The following SNED1 variants were observed in gnomAD, a reference collection of about 807,000 sequenced individuals.
SNED1 encodes sushi, nidogen and EGF like domains 1.
In SNED1, 81 loss-of-function variants were observed where a neutral mutation model predicts 166.7. The observed-to-expected ratio is 0.49, with a 90% confidence interval of 0.41 to 0.58. The LOEUF (loss-of-function observed/expected upper bound fraction) is 0.58. Ranked by LOEUF, SNED1 falls within the 20% of genes least tolerant of loss-of-function variation. The pLI is 0.00. For missense variants in SNED1, 1,604 were observed against 2,000.2 expected (o/e 0.80, Z 3.78); for synonymous variants, 762 against 822.0 (o/e 0.93, Z 1.25).
chr2:241,023,887 C>CTTTTTTTTTTTTTTTTTTTTTT (rs2060846825), intron 1 of SNED1, among the ~76,000 whole-genome samples: 1 of 71,658 alleles, frequency 1.4e-5, no homozygotes, highest in African/African-American at 7.7e-5. Context: ...CTTTTTTTTT[C>CTTTTTTTTTTTTTTTTTTTTTT]CTTTTTTTTT....
rs139194766 is a variant in SNED1 at position 240,999,527 on chromosome 2, G to A, written c.213+477G>A. Among the ~76,000 whole-genome samples, 715 of 152,330 alleles carry A rather than the reference G, an allele frequency of 4.7e-3. 5 individuals are homozygous for A. Among genetic ancestry groups the A allele is most frequent in the Non-Finnish European group, 6.2e-3 (424 of 68,012 alleles). ...CGCCAGTGCGGCCCAGAGCCAGGAGGCTGGACCCCTTGCCCAGGCGCTCAG... is the reference window on the plus strand; with the variant it reads ...CGCCAGTGCGGCCCAGAGCCAGGAGACTGGACCCCTTGCCCAGGCGCTCAG... On this transcript the variant is annotated intron_variant, in intron 1 of 31. Transcript: ENST00000310397. The surrounding 1 kb of genome is among the most constrained non-coding windows in gnomAD (Gnocchi z 5.8).
chr2:241,087,398 AAG>A lies in SNED1; in HGVS notation c.4131_4132del (p.Arg1377SerfsTer15). ...EGGVCHHVYKRVYRVHQDICF... is the reference protein window; with the variant it reads ...EGGVCHHVYKXVYRVHQDICF... ...AGCTTTCTTGTGACAACAGGTATAA[AAG>A]AGTCTACCGAGTTCACCAAGACATC... On this transcript the variant is annotated frameshift_variant, in exon 30 of 32. Transcript: ENST00000310397. LOFTEE classifies it high-confidence loss of function. 1 of 1,598,174 alleles carries A rather than the reference AAG, an allele frequency of 6.3e-7. No homozygotes were observed. The highest frequency in any genetic ancestry group is 8.5e-7 in the Non-Finnish European group (1 of 1,172,368).
In SNED1 at chr2:241,033,845, C is replaced by T. The variant is rs376722470; in HGVS notation, c.612C>T (p.Asn204=). Residue 204 remains asparagine (N), a synonymous_variant, in exon 3 of 32, where the codon AAC becomes AAT. Transcript: ENST00000310397. ...TTGTHASSGG[N]ATGLGGIAAQ... ...GCACACACGCCAGCAGCGGGGGCAA[C>T]GCCACTGGCCTCGGGGGCATCGCAG... 1.9e-5 allele frequency: 31 copies of T among 1,607,616 alleles called. No homozygotes were observed. Among genetic ancestry groups the T allele is most frequent in the East Asian group, 4.5e-5 (2 of 44,700 alleles).
chr2:241,083,220 C>A (rs1386482698), intron 29 of SNED1, among the ~76,000 whole-genome samples: 1 of 152,156 alleles, frequency 6.6e-6, no homozygotes, highest in African/African-American at 2.4e-5. Context: ...GCTGAACAGA[C>A]ATGGAGGAGG....
chr2:241,025,259 T>C (rs2060922279), intron 1 of SNED1, among the ~76,000 whole-genome samples: 2 of 152,150 alleles, frequency 1.3e-5, no homozygotes, highest in African/African-American at 4.8e-5. Flanking sequence ...TACCTGATGA[T>C]CTGAGATGGA....
At chr2:241,004,656 C>CTCA (rs1306464215) in intron 1 of SNED1, among the ~76,000 whole-genome samples, 1 of 152,124 alleles carries the variant, frequency 6.6e-6, no homozygotes, top group Admixed American at 6.5e-5. Context: ...CCTTCTGGCC[C>CTCA]TCATGCTATT....
chr2:241,049,948 G>A lies in SNED1; in HGVS notation c.1735+15G>A, dbSNP rs1574986151. The A allele has an allele frequency of 6.3e-7, 1 of 1,599,356 alleles. No individual in the cohort carries two copies. The highest frequency in any genetic ancestry group is 1.7e-5 in the Admixed American group (1 of 59,952). On this transcript the variant is annotated intron_variant, in intron 12 of 31. Coordinates refer to ENST00000310397, the MANE Select transcript of SNED1 (RefSeq NM_001080437.3). ...CTGCGAGAAAGGTATGGCGGGCAGG[G>A]GCGTCCGGGCCGGCGTCAGCACCCT... is the stretch of plus-strand genomic sequence containing the variant.
In SNED1 at chr2:240,999,091, G is replaced by A. The variant is rs746537647; in HGVS notation, c.213+41G>A. On this transcript the variant is annotated intron_variant, in intron 1 of 31. Coordinates refer to ENST00000310397, the MANE Select transcript of SNED1 (RefSeq NM_001080437.3). The surrounding 1 kb of genome is among the most constrained non-coding windows in gnomAD (Gnocchi z 5.8). ...GCTCGCGGGGCGCCCGGGAGGGGAG[G>A]GAGCTGCGCCCCGGCCGCTGCCCGC... 1.7e-6 allele frequency: 2 copies of A among 1,177,296 alleles called. No individual in the cohort carries two copies. The highest frequency in any genetic ancestry group is 2.1e-6 in the Non-Finnish European group (2 of 935,148). The allele number at this position is 1,177,296 out of a possible 1,614,324, so 72.9% of individuals were successfully genotyped here.
At chr2:241,029,493 A>G (rs1027121923) in intron 1 of SNED1, among the ~76,000 whole-genome samples, 2 of 151,832 alleles carry the variant, frequency 1.3e-5, no homozygotes, top group Non-Finnish European at 2.9e-5. Flanking sequence ...CAAAGGCCCC[A>G]CCTGCTAACA....
intron 8 of SNED1, among the ~76,000 whole-genome samples, chr2:241,046,988 C>A (rs2061665836): frequency 6.6e-6 from 1 of 151,696 alleles, no homozygotes; most frequent in Non-Finnish European, 1.5e-5. Flanking sequence ...ACTAAAAATA[C>A]AAAAATTAGC....
At chr2:241,044,139 G>GA (rs1185753823) in intron 8 of SNED1, among the ~76,000 whole-genome samples, 5 of 151,868 alleles carry the variant, frequency 3.3e-5, no homozygotes, top group African/African-American at 1.2e-4. Context: ...AGGAAGAGAG[G>GA]AAAAAAAGAA....
intron 4 of SNED1, 117 bp from the exon 5 acceptor site, chr2:241,036,673 G>A: frequency 7.3e-7 from 1 of 1,365,210 alleles, no homozygotes; most frequent in Non-Finnish European, 1.0e-6. Context: ...CGGTCACCCG[G>A]GCACCCAGAG....
intron 12 of SNED1, among the ~76,000 whole-genome samples, chr2:241,050,256 C>A (rs2061796496): frequency 6.6e-6 from 1 of 152,330 alleles, no homozygotes; most frequent in Non-Finnish European, 1.5e-5. Context: ...TAGGATTTTG[C>A]TCAATCTAAT....
intron 24 of SNED1, among the ~76,000 whole-genome samples, chr2:241,071,189 G>A (rs1012585141): frequency 2.0e-5 from 3 of 152,144 alleles, no homozygotes; most frequent in Non-Finnish European, 4.4e-5. Flanking sequence ...CAGCTGAAGC[G>A]TCCCATCAGG....
intron 27 of SNED1, 97 bp from the exon 28 acceptor site, chr2:241,081,580 C>T (rs2063331252): frequency 1.2e-6 from 1 of 837,076 alleles, no homozygotes; most frequent in Non-Finnish European, 1.9e-6. Flanking sequence ...GCACGGCCAC[C>T]CTGCATCAGG....
rs985077302 is a variant in SNED1 at position 240,999,927 on chromosome 2, A to G, written c.213+877A>G. On this transcript the variant is annotated intron_variant, in intron 1 of 31. Coordinates refer to ENST00000310397, the MANE Select transcript of SNED1 (RefSeq NM_001080437.3). The surrounding 1 kb of genome is among the most constrained non-coding windows in gnomAD (Gnocchi z 5.8). ...CTAGAAAACTGCTGGGCCAGCCTCA[A>G]GTAGAGTCCCCTCCAGCTCCGTCAC... is the stretch of plus-strand genomic sequence containing the variant. Among the ~76,000 whole-genome samples, 1 of 152,114 alleles carries G rather than the reference A, an allele frequency of 6.6e-6. No individual in the cohort carries two copies. The highest frequency in any genetic ancestry group is 2.4e-5 in the African/African-American group (1 of 41,414).
At chr2:241,059,967 AT>A (rs1412423475) in intron 16 of SNED1, among the ~76,000 whole-genome samples, 1 of 152,166 alleles carries the variant, frequency 6.6e-6, no homozygotes, top group African/African-American at 2.4e-5. Flanking sequence ...AGATCACATG[AT>A]TGTATGCATA....
intron 16 of SNED1, among the ~76,000 whole-genome samples, chr2:241,054,567 C>A (rs1445591939): frequency 6.6e-6 from 1 of 151,964 alleles, no homozygotes; most frequent in Non-Finnish European, 1.5e-5. Flanking sequence ...GACCCCACCT[C>A]ATACAAAAAA....
rs940784312 is a variant in SNED1, at chr2:240,999,610, C to G, written c.213+560C>G. ...GCGGGCTAGCAACAGGCTTGCCCCT[C>G]CCTGCCGTCCTCTCCGCAGTCTGGG... On this transcript the variant is annotated intron_variant, in intron 1 of 31. Coordinates refer to ENST00000310397, the MANE Select transcript of SNED1 (RefSeq NM_001080437.3). This position sits in a 1 kb window ranked among gnomAD's most constrained non-coding sequence, Gnocchi z 5.8. 6.6e-6 allele frequency among the ~76,000 whole-genome samples: 1 copy of G among 152,200 alleles called. No homozygotes were observed. The highest frequency in any genetic ancestry group is 1.5e-5 in the Non-Finnish European group (1 of 68,022).
Sources: gnomAD v4.1 joint callset for allele counts (sites outside exome capture counted in the v4.1 genomes callset) on GRCh38, gnomAD v4.1.1 for gene constraint, Gnocchi (gnomAD v3.1) non-coding constraint, MANE v1.5 for transcripts, NCBI Gene and HGNC (gene_info 2026-07-23, HGNC 2026-07-21) for gene names.